The following ARHGEF9 variants were observed in gnomAD, a reference collection of about 807,000 sequenced individuals.
ARHGEF9 encodes the protein rho guanine nucleotide exchange factor 9.
In ARHGEF9, 2 loss-of-function variants were observed where a neutral mutation model predicts 41.3. The ratio of observed to expected loss-of-function variants is 0.05; its 90% CI spans 0.02 to 0.15. ARHGEF9 has a LOEUF of 0.15. Among genes scored for constraint, ARHGEF9 ranks in the 10% least tolerant of loss-of-function variants. The probability of loss-of-function intolerance (pLI) is 1.00; values close to 1 mark genes in which losing one functional copy is unlikely to be tolerated. For missense variants in ARHGEF9, 225 were observed against 424.7 expected, an observed-to-expected ratio of 0.53 and a Z score of 4.13; for synonymous variants, 160 against 154.4, an observed-to-expected ratio of 1.04 and a Z score of -0.27.
rs2047373072 is a variant in ARHGEF9 at position 63,637,701 on chromosome X, C to G, written c.*327G>C. The G allele has an allele frequency of 9.1e-6, 2 of 218,651 alleles. No individual in the cohort carries two copies. Among genetic ancestry groups the G allele is most frequent in the Admixed American group, 1.3e-4 (2 of 15,336 alleles). The allele number at this position is 218,651 out of a possible 1,213,427, so 18.0% of individuals were successfully genotyped here. On this transcript the variant is annotated 3_prime_UTR_variant, in exon 10 of 10. Coordinates refer to ENST00000671741, the MANE Select transcript of ARHGEF9 (RefSeq NM_001353921.2). ...AAGCAATGAATAGAAATGTCAACTT[C>G]TGAAAGCAAAGGGAAGGGGGACAGG...
chrX:63,717,931 C>G (rs1422253912), intron 2 of ARHGEF9, among the ~76,000 whole-genome samples: 1 of 111,971 alleles, frequency 8.9e-6, no homozygotes, highest in African/African-American at 3.3e-5. Flanking sequence ...CATTTACACC[C>G]TTCCCATGAG....
At chrX:63,679,638 T>A (rs1308815310) in intron 4 of ARHGEF9, among the ~76,000 whole-genome samples, 2 of 111,718 alleles carry the variant, frequency 1.8e-5, no homozygotes, top group African/African-American at 6.5e-5. Context: ...TGAATAAGCA[T>A]TTGAGAAAAT....
chrX:63,752,673 C>T (rs182836931), intron 1 of ARHGEF9, among the ~76,000 whole-genome samples: 31 of 111,581 alleles, frequency 2.8e-4, no homozygotes, highest in African/African-American at 1.0e-3. Context: ...AGCTTCTCAC[C>T]CACACCAAGT....
chrX:63,765,555 T>C (rs1344701981), intron 1 of ARHGEF9, among the ~76,000 whole-genome samples: 1 of 109,985 alleles, frequency 9.1e-6, no homozygotes, highest in African/African-American at 3.3e-5. Context: ...TGGAAAGGGG[T>C]AGTGGTGGGG....
In ARHGEF9 at chrX:63,749,864, C is replaced by T. The variant is rs138557297; in HGVS notation, c.31-25153G>A. ...TCCTCTTTGTACTTTCGTGCTAGAGCAAAGTACAATAAACTAAATACTCTA... is the reference window on the plus strand; with the variant it reads ...TCCTCTTTGTACTTTCGTGCTAGAGTAAAGTACAATAAACTAAATACTCTA... On this transcript the variant is annotated intron_variant, in intron 1 of 9. Transcript: ENST00000671741. 2.2e-3 allele frequency among the ~76,000 whole-genome samples: 249 copies of T among 112,215 alleles called. 1 individual carries two copies. The highest frequency in any genetic ancestry group is 7.5e-3 in the African/African-American group (232 of 30,870).
chrX:63,751,386 C>T (rs1279863983), intron 1 of ARHGEF9, among the ~76,000 whole-genome samples: 1 of 111,446 alleles, frequency 9.0e-6, no homozygotes, highest in East Asian at 2.8e-4. Flanking sequence ...CTCTGGGCTG[C>T]ATTTCTCATT....
At chrX:63,749,255 G>A (rs782565931) in intron 1 of ARHGEF9, among the ~76,000 whole-genome samples, 3 of 110,296 alleles carry the variant, frequency 2.7e-5, no homozygotes, top group Non-Finnish European at 3.8e-5. Flanking sequence ...TTTTTGGGAC[G>A]GACTCTCGCT....
chrX:63,694,890 G>T (rs1463556102), intron 4 of ARHGEF9, among the ~76,000 whole-genome samples: 5 of 111,952 alleles, frequency 4.5e-5, no homozygotes, highest in Non-Finnish European at 9.4e-5. Flanking sequence ...TGATAAAAAT[G>T]AAATTCTAGA....
At chrX:63,697,380 A>AGCC (rs2051826935) in intron 3 of ARHGEF9, 76 bp from the exon 4 acceptor site, 1 of 994,033 alleles carries the variant, frequency 1.0e-6, no homozygotes, top group African/African-American at 1.9e-5. Flanking sequence ...AGCACTTAAG[A>AGCC]GCCTCATTTT....
chrX:63,671,791 C>G (rs1556355936), intron 6 of ARHGEF9, among the ~76,000 whole-genome samples: 1 of 112,462 alleles, frequency 8.9e-6, no homozygotes, highest in East Asian at 2.8e-4. Flanking sequence ...CTTGGTGATT[C>G]TGACATTCTA....
intron 1 of ARHGEF9, among the ~76,000 whole-genome samples, chrX:63,769,420 G>T (rs1556453313): frequency 9.0e-6 from 1 of 110,881 alleles, no homozygotes; most frequent in Non-Finnish European, 1.9e-5. Context: ...TGAAAAATTT[G>T]CAGCCTAACA....
intron 9 of ARHGEF9, 90 bp from the exon 10 acceptor site, chrX:63,638,299 C>G: frequency 2.4e-6 from 2 of 830,702 alleles, no homozygotes; most frequent in Non-Finnish European, 3.5e-6. Context: ...GGGCAGACAA[C>G]TCAAGGCAGA....
chrX:63,719,326 G>A (rs1215315210), intron 2 of ARHGEF9, among the ~76,000 whole-genome samples: 1 of 112,054 alleles, frequency 8.9e-6, no homozygotes, highest in Non-Finnish European at 1.9e-5. Flanking sequence ...TCTCAAGAAC[G>A]CAAAAACACT....
chrX:63,651,277 A>G (rs1275047469), intron 8 of ARHGEF9, among the ~76,000 whole-genome samples: 1 of 111,613 alleles, frequency 9.0e-6, no homozygotes, highest in Non-Finnish European at 1.9e-5. Context: ...ACTGCTAAGA[A>G]GCAATGATAA....
chrX:63,710,337 C>T (rs2052850499), intron 2 of ARHGEF9, among the ~76,000 whole-genome samples: 1 of 102,307 alleles, frequency 9.8e-6, no homozygotes, highest in African/African-American at 3.6e-5. Context: ...GACTAGATGG[C>T]TTCACTGGTG....
At chrX:63,712,516 T>C (rs2147545671) in intron 2 of ARHGEF9, among the ~76,000 whole-genome samples, 1 of 111,803 alleles carries the variant, frequency 8.9e-6, no homozygotes, top group South Asian at 3.7e-4. Flanking sequence ...TGATGATATG[T>C]TAATCATTCC....
chrX:63,660,090 G>C (rs188636111), intron 7 of ARHGEF9, among the ~76,000 whole-genome samples: 29 of 111,959 alleles, frequency 2.6e-4, no homozygotes, highest in African/African-American at 9.1e-4. Context: ...ACACATGCAC[G>C]CGTATGTTCA....
At chrX:63,682,800 T>A (rs2050740134) in intron 4 of ARHGEF9, among the ~76,000 whole-genome samples, 2 of 111,748 alleles carry the variant, frequency 1.8e-5, no homozygotes, top group African/African-American at 6.5e-5. Context: ...GGATAAAATA[T>A]CTTCACAAAT....
intron 3 of ARHGEF9, among the ~76,000 whole-genome samples, chrX:63,702,766 A>G (rs2147485436): frequency 8.9e-6 from 1 of 112,363 alleles, no homozygotes; most frequent in African/African-American, 3.2e-5. Flanking sequence ...AGGAAGAAGC[A>G]GAAAATGCAG....
Sources: allele counts gnomAD v4.1 joint callset (sites outside exome capture counted in the v4.1 genomes callset), GRCh38; gene constraint gnomAD v4.1.1; transcripts MANE v1.5; gene names NCBI Gene and HGNC (gene_info 2026-07-23, HGNC 2026-07-21).